POLA1: variants seen among roughly 807,000 people sequenced by gnomAD.
POLA1 encodes DNA polymerase alpha 1, catalytic subunit, also known as DNA polymerase alpha catalytic subunit.
Under a neutral mutation model 124.0 loss-of-function variants are expected in POLA1, and 15 were observed. That is an observed-to-expected ratio of 0.12 (90% CI 0.08 to 0.19). The LOEUF is 0.19. Ranked by LOEUF, POLA1 falls within the 10% of genes least tolerant of loss-of-function variation. The pLI is 1.00. For synonymous variants in POLA1, 408 were observed against 389.4 expected (o/e 1.05, Z -0.56); for missense variants, 886 against 1,103.4 (o/e 0.80, Z 2.79).
intron 36 of POLA1, among the ~76,000 whole-genome samples, chrX:24,991,169 C>CTT (rs759526888): frequency 1.9e-5 from 2 of 102,675 alleles, no homozygotes; most frequent in Admixed American, 1.0e-4. Context: ...CAATGTGTTT[C>CTT]TTTTTTTTTT....
At chrX:24,917,319 A>C (rs1479005184) in intron 35 of POLA1, among the ~76,000 whole-genome samples, 1 of 110,735 alleles carries the variant, frequency 9.0e-6, no homozygotes, top group Non-Finnish European at 1.9e-5. Context: ...AAAGCAGCCA[A>C]GTCATCTTTT....
intron 30 of POLA1, among the ~76,000 whole-genome samples, chrX:24,819,037 G>A (rs774958438): frequency 8.9e-6 from 1 of 112,222 alleles, no homozygotes; most frequent in Non-Finnish European, 1.9e-5. Flanking sequence ...TCTTCGTAAT[G>A]TGGAATCTGA....
At chrX:24,768,666 A>T (rs1188559544) in intron 26 of POLA1, among the ~76,000 whole-genome samples, 1 of 112,088 alleles carries the variant, frequency 8.9e-6, no homozygotes, top group Non-Finnish European at 1.9e-5. Context: ...GCCTATTTTT[A>T]GGCTGAGGCT....
At chrX:24,694,260 C>G (rs1304983287) in intron 1 of POLA1, among the ~76,000 whole-genome samples, 1 of 111,873 alleles carries the variant, frequency 8.9e-6, no homozygotes, top group South Asian at 3.9e-4. Context: ...GATTGCGTTT[C>G]TATTTCTTTT....
At chrX:24,792,997 GT>G (rs1352182641) in intron 26 of POLA1, among the ~76,000 whole-genome samples, 4 of 110,832 alleles carry the variant, frequency 3.6e-5, no homozygotes, top group African/African-American at 1.3e-4. Flanking sequence ...TTATTTACAA[GT>G]CTTAAAAGCC....
intron 4 of POLA1, 30 bp from the exon 5 acceptor site, chrX:24,714,524 C>T (rs763115241): frequency 1.2e-5 from 11 of 901,045 alleles, no homozygotes; most frequent in Non-Finnish European, 1.7e-5. Context: ...TTTGCTGATG[C>T]ATGTTTCTAA....
At chrX:24,932,163 T>A (rs1463162429) in intron 36 of POLA1, among the ~76,000 whole-genome samples, 1 of 112,978 alleles carries the variant, frequency 8.9e-6, no homozygotes, top group Non-Finnish European at 1.9e-5. Context: ...CCTCCCAAAG[T>A]GCTGGGATTA....
At chrX:24,813,811 CA>C (rs553323828) in intron 29 of POLA1, among the ~76,000 whole-genome samples, 5,753 of 33,920 alleles carry the variant, frequency 0.17, 480 homozygotes, top group African/African-American at 0.39. Flanking sequence ...GAGACGCCGT[CA>C]AAAAAAAAAA....
At chrX:24,904,884 C>T (rs1030885437) in intron 35 of POLA1, among the ~76,000 whole-genome samples, 10 of 110,783 alleles carry the variant, frequency 9.0e-5, no homozygotes, top group Non-Finnish European at 1.7e-4. Context: ...CGTTAGCCGG[C>T]GTGGTGGCAC....
intron 36 of POLA1, among the ~76,000 whole-genome samples, chrX:24,961,013 G>C (rs1420090095): frequency 8.9e-6 from 1 of 112,262 alleles, no homozygotes; most frequent in Non-Finnish European, 1.9e-5. Flanking sequence ...GGACCTTAAT[G>C]TTCTGCATGT....
chrX:24,903,096 T>C (rs2047305171), intron 35 of POLA1, among the ~76,000 whole-genome samples: 1 of 112,592 alleles, frequency 8.9e-6, no homozygotes, highest in African/African-American at 3.2e-5. Context: ...TATTTGCGTA[T>C]GTGTGTTTTA....
chrX:24,865,724 A>G (rs1306756455), intron 34 of POLA1, among the ~76,000 whole-genome samples: 2 of 111,821 alleles, frequency 1.8e-5, no homozygotes. Flanking sequence ...TCAATTTAGG[A>G]TAGAATGCTG....
chrX:24,771,582 G>T (rs921113558), intron 26 of POLA1, among the ~76,000 whole-genome samples: 3 of 111,320 alleles, frequency 2.7e-5, no homozygotes, highest in Admixed American at 9.6e-5. Flanking sequence ...AGGAGTGTTG[G>T]TTGTTTTCTA....
chrX:24,967,415 A>T (rs1421220615), intron 36 of POLA1, among the ~76,000 whole-genome samples: 2 of 110,752 alleles, frequency 1.8e-5, no homozygotes, highest in Non-Finnish European at 3.8e-5. Context: ...CACGCTTGTA[A>T]TCCCAGCACT....
intron 36 of POLA1, among the ~76,000 whole-genome samples, chrX:24,989,128 A>G (rs2048508557): frequency 8.9e-6 from 1 of 111,982 alleles, no homozygotes; most frequent in Non-Finnish European, 1.9e-5. Flanking sequence ...TGAGGTCATC[A>G]AAATCAGACA....
At chrX:24,874,908 GT>G (rs937457840) in intron 34 of POLA1, among the ~76,000 whole-genome samples, 1 of 111,891 alleles carries the variant, frequency 8.9e-6, no homozygotes, top group African/African-American at 3.3e-5. Flanking sequence ...TAACAGATGG[GT>G]TTTATATTGA....
chrX:24,930,033 C>G (rs748889885), intron 35 of POLA1, among the ~76,000 whole-genome samples: 1 of 111,911 alleles, frequency 8.9e-6, no homozygotes, highest in South Asian at 3.7e-4. Flanking sequence ...AAACGGGGCT[C>G]ATGGTATAGC....
At chrX:24,888,711 G>A (rs760717771) in intron 35 of POLA1, among the ~76,000 whole-genome samples, 2 of 103,700 alleles carry the variant, frequency 1.9e-5, no homozygotes, top group South Asian at 9.6e-4. Context: ...AGTAGCTTGG[G>A]ACTACAGGCG....
intron 1 of POLA1, among the ~76,000 whole-genome samples, chrX:24,694,806 C>T (rs1927862488): frequency 8.9e-6 from 1 of 112,607 alleles, no homozygotes; most frequent in Non-Finnish European, 1.9e-5. Context: ...AGCGTCACCT[C>T]TCCTGTCATT....
Sources: gnomAD v4.1 joint callset for allele counts (sites outside exome capture counted in the v4.1 genomes callset) on GRCh38, gnomAD v4.1.1 for gene constraint, MANE v1.5 for transcripts, NCBI Gene and HGNC (gene_info 2026-07-23, HGNC 2026-07-21) for gene names.